Variants in NELL1 observed in about 807,000 individuals in gnomAD.
The protein encoded by NELL1 is neural EGFL like 1, also known as protein kinase C-binding protein NELL1.
A neutral mutation model predicts 107.4 loss-of-function variants in NELL1; 76 were observed. The ratio of observed to expected loss-of-function variants is 0.71; its 90% confidence interval spans 0.59 to 0.86. The LOEUF is 0.86. NELL1 is among the 40% of genes least tolerant of loss of function. The probability of loss-of-function intolerance (pLI) is 0.00; values close to 1 mark genes in which losing one functional copy is unlikely to be tolerated. For missense variants in NELL1, 1,024 were observed against 1,005.5 expected, an observed-to-expected ratio of 1.02 and a Z score of -0.25; for synonymous variants, 353 against 341.2, an observed-to-expected ratio of 1.03 and a Z score of -0.38.
chr11:20,878,358 C>CA (rs58962461), intron 4 of NELL1, among the ~76,000 whole-genome samples: 964 of 95,734 alleles, frequency 0.01, 28 homozygotes, highest in Non-Finnish European at 0.016. Flanking sequence ...GACCCCGTCT[C>CA]AAAAAAAAAA....
At chr11:20,728,015 C>T (rs11025717) in intron 2 of NELL1, among the ~76,000 whole-genome samples, 39 of 152,036 alleles carry the variant, frequency 2.6e-4, no homozygotes, top group African/African-American at 9.2e-4. Flanking sequence ...GTATGAGATG[C>T]TATTTTATTG....
At chr11:20,875,601 T>C (rs1292287499) in intron 4 of NELL1, among the ~76,000 whole-genome samples, 2 of 152,176 alleles carry the variant, frequency 1.3e-5, no homozygotes, top group Non-Finnish European at 2.9e-5. Context: ...AAATTAAAAA[T>C]AAACAATGAA....
intron 2 of NELL1, among the ~76,000 whole-genome samples, chr11:20,722,364 T>C (rs1441225428): frequency 1.3e-5 from 2 of 152,128 alleles, no homozygotes; most frequent in African/African-American, 4.8e-5. Context: ...AGCAGTGTCA[T>C]CCACCTCACA....
chr11:21,229,213 G>A (rs1857977209), intron 13 of NELL1, 119 bp from the exon 14 acceptor site: 1 of 1,093,720 alleles, frequency 9.1e-7, no homozygotes, highest in Admixed American at 2.0e-5. Context: ...CGCATAGTAA[G>A]GTACTGACAA....
At chr11:21,549,044 T>C (rs1856512386) in intron 16 of NELL1, among the ~76,000 whole-genome samples, 1 of 151,674 alleles carries the variant, frequency 6.6e-6, no homozygotes, top group Non-Finnish European at 1.5e-5. Flanking sequence ...AAAATAGAAA[T>C]ATAAAACTTC....
intron 15 of NELL1, among the ~76,000 whole-genome samples, chr11:21,423,510 T>C (rs901185900): frequency 6.6e-6 from 1 of 151,446 alleles, no homozygotes; most frequent in Non-Finnish European, 1.5e-5. Context: ...TAAGAAGAAA[T>C]AGGTATTTCT....
At chr11:20,903,835 TAGTC>T (rs759823160) in intron 5 of NELL1, among the ~76,000 whole-genome samples, 1 of 152,006 alleles carries the variant, frequency 6.6e-6, no homozygotes, top group East Asian at 1.9e-4. Context: ...CTTAGGAAAA[TAGTC>T]AGAGGTTTAT....
intron 15 of NELL1, among the ~76,000 whole-genome samples, chr11:21,371,208 T>A (rs139878058): frequency 8.3e-4 from 127 of 152,230 alleles, no homozygotes; most frequent in African/African-American, 2.9e-3. Flanking sequence ...TCAGTGTGCA[T>A]TTTTAGTGCT....
chr11:21,427,783 A>C (rs1018935803), intron 15 of NELL1, among the ~76,000 whole-genome samples: 4 of 152,206 alleles, frequency 2.6e-5, no homozygotes, highest in African/African-American at 9.7e-5. Flanking sequence ...AAAGAAACCC[A>C]AGAAGTAAAA....
intron 12 of NELL1, among the ~76,000 whole-genome samples, chr11:21,080,854 T>C (rs1433914276): frequency 6.6e-6 from 1 of 151,988 alleles, no homozygotes; most frequent in Non-Finnish European, 1.5e-5. Context: ...AAAGTAGTGT[T>C]GGATTATATG....
chr11:21,471,452 T>G (rs188926214), intron 15 of NELL1, among the ~76,000 whole-genome samples: 2 of 152,200 alleles, frequency 1.3e-5, no homozygotes, highest in Admixed American at 6.6e-5. Context: ...CTGGAAATTT[T>G]TGTAAATAAA....
intron 4 of NELL1, among the ~76,000 whole-genome samples, chr11:20,861,409 G>C (rs944155945): frequency 6.6e-6 from 1 of 152,200 alleles, no homozygotes; most frequent in Non-Finnish European, 1.5e-5. Context: ...GCCTGGGACT[G>C]CTTTGTCCCT....
At chr11:21,569,085 A>C (rs1440171071) in intron 17 of NELL1, among the ~76,000 whole-genome samples, 2 of 151,806 alleles carry the variant, frequency 1.3e-5, no homozygotes, top group African/African-American at 4.8e-5. Flanking sequence ...AATACAGTGC[A>C]TTACATAATG....
intron 5 of NELL1, among the ~76,000 whole-genome samples, chr11:20,896,813 T>C (rs556828402): frequency 1.3e-5 from 2 of 152,254 alleles, no homozygotes; most frequent in East Asian, 3.9e-4. Flanking sequence ...CCATTCACAA[T>C]TGCTTCAAAG....
chr11:20,675,133 G>A (rs1854021492), intron 1 of NELL1, among the ~76,000 whole-genome samples: 1 of 152,128 alleles, frequency 6.6e-6, no homozygotes, highest in Non-Finnish European at 1.5e-5. Flanking sequence ...GGAAGTAGAC[G>A]AGAACAAACC....
At chr11:20,793,832 G>A (rs113207443) in intron 3 of NELL1, among the ~76,000 whole-genome samples, 2,729 of 108,782 alleles carry the variant, frequency 0.025, 83 homozygotes, top group African/African-American at 0.066. Context: ...ATGTGCGTCA[G>A]ATTTTTAGAT....
intron 14 of NELL1, among the ~76,000 whole-genome samples, chr11:21,337,734 TC>T (rs1423803530): frequency 2.2e-5 from 3 of 138,736 alleles, no homozygotes; most frequent in African/African-American, 5.3e-5. Flanking sequence ...TTTCTTTCTT[TC>T]CTTTCTTTCT....
intron 14 of NELL1, among the ~76,000 whole-genome samples, chr11:21,236,896 C>T (rs1344119589): frequency 6.6e-6 from 1 of 152,068 alleles, no homozygotes; most frequent in African/African-American, 2.4e-5. Flanking sequence ...ATACTTTTGC[C>T]TATAGTTTGC....
chr11:21,401,179 G>A (rs11026069), intron 15 of NELL1, among the ~76,000 whole-genome samples: 16,034 of 151,726 alleles, frequency 0.11, 953 homozygotes, highest in Admixed American at 0.15. Flanking sequence ...AACATACAAA[G>A]TGTCTTTTCT....
Sources: gnomAD v4.1 joint callset for allele counts (sites outside exome capture counted in the v4.1 genomes callset) on GRCh38, gnomAD v4.1.1 for gene constraint, MANE v1.5 for transcripts, NCBI Gene and HGNC (gene_info 2026-07-23, HGNC 2026-07-21) for gene names.